The following SULT6B1 variants were observed in gnomAD, a reference collection of about 807,000 sequenced individuals.
SULT6B1 encodes the protein sulfotransferase family 6B member 1.
Under a neutral mutation model 37.2 loss-of-function variants are expected in SULT6B1, and 44 were observed. The observed-to-expected ratio is 1.18, with a 90% confidence interval of 0.93 to 1.52. The LOEUF (loss-of-function observed/expected upper bound fraction) is 1.52. Among genes scored for constraint, SULT6B1 ranks in the 40% most tolerant of loss-of-function variants. The probability of loss-of-function intolerance (pLI) is 0.00; values close to 1 mark genes in which losing one functional copy is unlikely to be tolerated. For missense variants in SULT6B1, 450 were observed against 361.0 expected (o/e 1.25, Z -2.00); for synonymous variants, 140 against 126.0 (o/e 1.11, Z -0.74).
chr2:37,195,281 T>G (rs2148307458), intron 1 of SULT6B1, among the ~76,000 whole-genome samples: 1 of 152,294 alleles, frequency 6.6e-6, no homozygotes, highest in East Asian at 1.9e-4. Context: ...TTTGTCATCC[T>G]GGTACTTTTA....
chr2:37,188,513 T>C lies in SULT6B1; in HGVS notation c.128A>G (p.Glu43Gly). The change falls in exon 1 of 7, where the codon GAA becomes GGA. Residue 43 changes from glutamate (E) to glycine (G), a missense_variant. Physicochemically the swap from Glu to Gly is moderately conservative, Grantham distance 98. Transcript: ENST00000535679. ...IPYPITMCTS[E>G]TFQALDTFEA... ...GAAGGTGTCCAGCGCTTGGAAAGTT[T>C]CTGAGGTGCACATGGTGATGGGGTA... 1 of 1,614,208 alleles carries C rather than the reference T, an allele frequency of 6.2e-7. No individual in the cohort carries two copies.
At chr2:37,168,924 G>A (rs1558442679) in intron 6 of SULT6B1, among the ~76,000 whole-genome samples, 1 of 152,070 alleles carries the variant, frequency 6.6e-6, no homozygotes, top group South Asian at 2.1e-4. Flanking sequence ...ATGAAGAAAC[G>A]CTTACAATAT....
chr2:37,169,577 C>A (rs1676251696), intron 6 of SULT6B1, among the ~76,000 whole-genome samples: 4 of 152,148 alleles, frequency 2.6e-5, no homozygotes, highest in Admixed American at 1.3e-4. Context: ...GCAACCTCCA[C>A]CTCCCAGGTT....
upstream of SULT6B1, among the ~76,000 whole-genome samples, chr2:37,192,797 C>T (rs936161064): frequency 2.0e-5 from 3 of 152,136 alleles, no homozygotes; most frequent in Non-Finnish European, 4.4e-5. Flanking sequence ...ACACTAATGC[C>T]TGTAATTATA....
chr2:37,172,387 C>T (rs527849012), intron 5 of SULT6B1, among the ~76,000 whole-genome samples: 43 of 152,298 alleles, frequency 2.8e-4, no homozygotes, highest in Non-Finnish European at 5.1e-4. Flanking sequence ...TATTTATTAA[C>T]AGCTGGGGCA....
intron 3 of SULT6B1, among the ~76,000 whole-genome samples, chr2:37,181,492 A>G (rs1470663994): frequency 6.6e-6 from 1 of 151,796 alleles, no homozygotes; most frequent in Non-Finnish European, 1.5e-5. Flanking sequence ...GCAATCCTCC[A>G]TCTCAGCCTC....
chr2:37,168,095 A>G (rs1486555114), intron 6 of SULT6B1, 30 bp from the exon 7 acceptor site: 2 of 1,546,932 alleles, frequency 1.3e-6, no homozygotes, highest in Admixed American at 2.3e-5. Context: ...GTAGACCCAG[A>G]TATCTGTTAG....
rs1325756738 is a variant in SULT6B1, at chr2:37,171,480, C to A, written c.735G>T (p.Lys245Asn). ...CGACAGCACCGTGTGTGTCCTGAGA[C>A]TTCGCACGCATGGCTTGGAAGGTGC... is the stretch of plus-strand genomic sequence containing the variant. ...VQSTFQAMRA[K>N]SQDTHGAVGP... The change falls in exon 6 of 7, where the codon AAG (lysine) becomes AAT (asparagine). Residue 245 changes from lysine (K) to asparagine (N), a missense_variant. Transcript: ENST00000535679. 4 of 1,614,184 alleles carry A rather than the reference C, an allele frequency of 2.5e-6. No homozygotes were observed. Among genetic ancestry groups the A allele is most frequent in the Non-Finnish European group, 3.4e-6 (4 of 1,180,030 alleles).
intron 6 of SULT6B1, among the ~76,000 whole-genome samples, chr2:37,169,575 C>T (rs1317587351): frequency 2.0e-5 from 3 of 152,108 alleles, no homozygotes; most frequent in Non-Finnish European, 2.9e-5. Flanking sequence ...CTGCAACCTC[C>T]ACCTCCCAGG....
At chr2:37,187,572 C>T in intron 1 of SULT6B1, 105 bp from the exon 2 acceptor site, 2 of 589,032 alleles carry the variant, frequency 3.4e-6, no homozygotes, top group Non-Finnish European at 2.9e-6. Context: ...ACAACCATTC[C>T]CTGATGTGTA....
intron 2 of SULT6B1, among the ~76,000 whole-genome samples, chr2:37,184,007 C>G (rs1225549971): frequency 1.3e-5 from 2 of 152,056 alleles, no homozygotes; most frequent in East Asian, 1.9e-4. Flanking sequence ...ATAAATAAAC[C>G]AATAATTAAA....
Position 37,184,844 on chromosome 2 carries a change from C to A in SULT6B1, c.313-1330G>T, listed in dbSNP as rs930024599. On this transcript the variant is annotated intron_variant, in intron 2 of 6. Coordinates refer to ENST00000535679, the MANE Select transcript of SULT6B1 (RefSeq NM_001367551.1). The stretch of plus-strand genomic sequence containing the variant: ...GAGACTCCATTTAAAAAAAAAAAAA[C>A]AACAAAACTTAGTGGAGATCTCAAC... 3.3e-3 allele frequency among the ~76,000 whole-genome samples: 498 copies of A among 149,186 alleles called. 2 individuals carry two copies. Among genetic ancestry groups the A allele is most frequent in the African/African-American group, 0.012 (474 of 40,946 alleles).
chr2:37,179,042 C>A (rs1676491152), intron 4 of SULT6B1, among the ~76,000 whole-genome samples: 1 of 152,124 alleles, frequency 6.6e-6, no homozygotes, highest in Admixed American at 6.5e-5. Flanking sequence ...CACTGCAATC[C>A]CTGCCTTCTG....
intron 4 of SULT6B1, among the ~76,000 whole-genome samples, chr2:37,178,990 T>A (rs1485002649): frequency 6.6e-6 from 1 of 152,018 alleles, no homozygotes; most frequent in Non-Finnish European, 1.5e-5. Context: ...TGAGACAGAG[T>A]CTCGCTTTGC....
At chr2:37,180,484 C>G (rs552886640) in intron 3 of SULT6B1, among the ~76,000 whole-genome samples, 3 of 152,182 alleles carry the variant, frequency 2.0e-5, no homozygotes, top group Non-Finnish European at 4.4e-5. Context: ...CAGCTAACAC[C>G]TGGATTTTTT....
Position 37,177,442 on chromosome 2 carries a change from G to GA in SULT6B1, c.529+2015dup, listed in dbSNP as rs1387881897. 3.9e-5 allele frequency among the ~76,000 whole-genome samples: 5 copies of GA among 129,366 alleles called. No individual in the cohort carries two copies. In the South Asian group the frequency reaches 1.1e-3, roughly 29 times the overall value. The allele number at this position is 129,366 out of a possible 152,430, so 84.9% of individuals were successfully genotyped here. ...AAAAAAAAAAAAAAAAAGAAAGAAAGAAAAAAAAGAGAAGAATACAGCATG... is the reference window on the plus strand; with the variant it reads ...AAAAAAAAAAAAAAAAAGAAAGAAAGAAAAAAAAAGAGAAGAATACAGCATG... On this transcript the variant is annotated intron_variant, in intron 4 of 6. Transcript: ENST00000535679.
intron 5 of SULT6B1, 142 bp from the exon 6 acceptor site, chr2:37,171,732 T>C (rs1676307901): frequency 1.5e-6 from 1 of 675,612 alleles, no homozygotes; most frequent in Admixed American, 3.0e-5. Context: ...AGTACTTTCA[T>C]CTTCTTATGT....
chr2:37,183,390 A>T (rs1473612280), intron 3 of SULT6B1, 35 bp downstream of exon 3: 1 of 1,544,166 alleles, frequency 6.5e-7, no homozygotes, highest in East Asian at 2.2e-5. Flanking sequence ...ATACATAGAA[A>T]TTTCAAAGAA....
chr2:37,167,855 T>G lies in SULT6B1; in HGVS notation c.*80A>C. 10 of 1,219,960 alleles carry G rather than the reference T, an allele frequency of 8.2e-6. No homozygotes were observed. The highest frequency in any genetic ancestry group is 1.1e-5 in the Non-Finnish European group (10 of 903,264). The allele number at this position is 1,219,960 out of a possible 1,614,324, so 75.6% of individuals were successfully genotyped here. On this transcript the variant is annotated 3_prime_UTR_variant, in exon 7 of 7. Transcript: ENST00000535679. ...ATATTGTTTAATTATTATTTGATTA[T>G]TTGATTGAATTATCATTTAATTATT...
Sources: allele counts gnomAD v4.1 joint callset (sites outside exome capture counted in the v4.1 genomes callset), GRCh38; gene constraint gnomAD v4.1.1; transcripts MANE v1.5; gene names NCBI Gene and HGNC (gene_info 2026-07-23, HGNC 2026-07-21).